ACER2: variants seen among roughly 807,000 people sequenced by gnomAD.
ACER2 encodes alkaline ceramidase 2.
ACER2 carries 26 observed loss-of-function variants against 34.7 expected under a neutral mutation model. That is an observed-to-expected ratio of 0.75 (90% confidence interval 0.55 to 1.04). The LOEUF (loss-of-function observed/expected upper bound fraction) is 1.04. Among genes scored for constraint, ACER2 ranks in the 50% least tolerant of loss-of-function variants. ACER2 has a pLI of 0.00. For missense variants in ACER2, 352 were observed against 340.8 expected, an observed-to-expected ratio of 1.03 and a Z score of -0.26; for synonymous variants, 138 against 132.1, an observed-to-expected ratio of 1.04 and a Z score of -0.31.
intron 2 of ACER2, 36 bp downstream of exon 2, chr9:19,424,012 G>A (rs78074656): frequency 0.011 from 16,748 of 1,494,084 alleles, 358 homozygotes; most frequent in African/African-American, 0.081. Context: ...GACTTAATGG[G>A]GTGGTGGGAT....
At chr9:19,411,549 T>G (rs1433569626) in intron 1 of ACER2, among the ~76,000 whole-genome samples, 2 of 151,018 alleles carry the variant, frequency 1.3e-5, no homozygotes, top group Non-Finnish European at 2.9e-5. Context: ...TTCCCCTGTG[T>G]TCTTACGTAC....
At chr9:19,444,629 A>T (rs1052213841) in intron 4 of ACER2, among the ~76,000 whole-genome samples, 1 of 152,054 alleles carries the variant, frequency 6.6e-6, no homozygotes, top group African/African-American at 2.4e-5. Context: ...CTGAGGGGAG[A>T]CCTATAGTAT....
chr9:19,446,386 A>T lies in ACER2; in HGVS notation c.609A>T (p.Ser203=). ...ACCGAGCTTTCTGCGAGCTGCTGTCATCCTTCAACTTCCCCTACCTGCACT... is the reference window on the plus strand; with the variant it reads ...ACCGAGCTTTCTGCGAGCTGCTGTCTTCCTTCAACTTCCCCTACCTGCACT... ...ISDRAFCELL[S]SFNFPYLHCM... Residue 203 remains serine, a synonymous_variant, in exon 5 of 6, where the codon TCA becomes TCT. Coordinates refer to ENST00000340967, the MANE Select transcript of ACER2 (RefSeq NM_001010887.3). The T allele has an allele frequency of 6.2e-7, 1 of 1,614,172 alleles. No individual in the cohort carries two copies. The highest frequency in any genetic ancestry group is 1.3e-5 in the African/African-American group (1 of 75,034).
intron 1 of ACER2, among the ~76,000 whole-genome samples, chr9:19,412,365 G>A (rs1208421584): frequency 6.6e-6 from 1 of 152,176 alleles, no homozygotes; most frequent in Non-Finnish European, 1.5e-5. Flanking sequence ...AAATACGCAT[G>A]TATAAGGCTG....
At chr9:19,439,189 C>T (rs111489817) in intron 4 of ACER2, among the ~76,000 whole-genome samples, 3 of 152,320 alleles carry the variant, frequency 2.0e-5, no homozygotes, top group African/African-American at 7.2e-5. Flanking sequence ...AATTGGTCTT[C>T]ATCATCACAT....
At chr9:19,442,074 C>T (rs1831173454) in intron 4 of ACER2, among the ~76,000 whole-genome samples, 2 of 152,134 alleles carry the variant, frequency 1.3e-5, no homozygotes, top group Non-Finnish European at 2.9e-5. Flanking sequence ...CTGAACTCTC[C>T]CTTAGACCAT....
intron 3 of ACER2, among the ~76,000 whole-genome samples, chr9:19,429,897 G>A (rs1184570921): frequency 6.6e-6 from 1 of 152,066 alleles, no homozygotes; most frequent in Non-Finnish European, 1.5e-5. Flanking sequence ...ATCAAGGGCT[G>A]GCTGTTCTAA....
rs1276548178 is a variant in ACER2, at chr9:19,421,213, A to G, written c.109-2649A>G. The stretch of plus-strand genomic sequence containing the variant: ...TCCATTATAATATGGGTCCACTGTC[A>G]TATGTGTGGCTCATTGTTGACTGAA... On this transcript the variant is annotated intron_variant, in intron 1 of 5. Coordinates refer to ENST00000340967, the MANE Select transcript of ACER2 (RefSeq NM_001010887.3). Among the ~76,000 whole-genome samples the G allele has an allele frequency of 2.0e-5, 3 of 152,226 alleles. No homozygotes were observed. The East Asian group carries it at 5.8e-4, about 29-fold the overall frequency.
At chr9:19,417,585 T>C (rs537320541) in intron 1 of ACER2, among the ~76,000 whole-genome samples, 8 of 152,170 alleles carry the variant, frequency 5.3e-5, no homozygotes, top group Non-Finnish European at 7.4e-5. Flanking sequence ...CATCTGATCT[T>C]TGACAAACCT....
chr9:19,435,540 G>GC (rs1830935755), intron 4 of ACER2, among the ~76,000 whole-genome samples: 1 of 152,178 alleles, frequency 6.6e-6, no homozygotes, highest in African/African-American at 2.4e-5. Context: ...AATCTATTAG[G>GC]TAAAGGTTTT....
chr9:19,415,917 G>A (rs535310073), intron 1 of ACER2, among the ~76,000 whole-genome samples: 2 of 152,230 alleles, frequency 1.3e-5, no homozygotes, highest in East Asian at 3.9e-4. Context: ...AAGGTTTGCA[G>A]TGCATATTGT....
intron 3 of ACER2, among the ~76,000 whole-genome samples, chr9:19,427,670 T>TTCTCTTCTCTTCTCTTG (rs1830611608): frequency 7.6e-6 from 1 of 131,800 alleles, no homozygotes; most frequent in African/African-American, 3.7e-5. Flanking sequence ...CTCTTCTCTT[T>TTCTCTTCTCTTCTCTTG]TCTTTCTTTT....
rs996600402 is a variant in ACER2, at chr9:19,450,719, G to T, written c.*83G>T. On this transcript the variant is annotated 3_prime_UTR_variant, in exon 6 of 6. Coordinates refer to ENST00000340967, the MANE Select transcript of ACER2 (RefSeq NM_001010887.3). ...GCTAGGAAGACAGCCAAGGGAGTTC[G>T]AATAGTTGGGGTGTGGGCTATCTTT... 3.7e-6 allele frequency: 5 copies of T among 1,335,502 alleles called. No individual in the cohort carries two copies. The highest frequency in any genetic ancestry group is 1.5e-5 in the African/African-American group (1 of 68,928). 82.7% of individuals were successfully genotyped at this position (1,335,502 alleles called of 1,614,324 possible).
intron 3 of ACER2, among the ~76,000 whole-genome samples, chr9:19,431,148 G>C (rs1205896584): frequency 2.0e-5 from 3 of 151,922 alleles, no homozygotes; most frequent in Non-Finnish European, 4.4e-5. Context: ...ATTTAAAGTG[G>C]TATTTATATT....
chr9:19,440,176 A>T (rs1370424220), intron 4 of ACER2, among the ~76,000 whole-genome samples: 1 of 152,076 alleles, frequency 6.6e-6, no homozygotes, highest in Non-Finnish European at 1.5e-5. Context: ...CATGCTTGAA[A>T]TGTTCTTTGC....
chr9:19,420,214 G>T (rs982082306), intron 1 of ACER2, among the ~76,000 whole-genome samples: 5 of 152,168 alleles, frequency 3.3e-5, no homozygotes, highest in Non-Finnish European at 7.3e-5. Context: ...ATTGTGTATT[G>T]TCCAACATGA....
At chr9:19,440,402 A>T (rs1831117920) in intron 4 of ACER2, among the ~76,000 whole-genome samples, 1 of 152,148 alleles carries the variant, frequency 6.6e-6, no homozygotes, top group Admixed American at 6.5e-5. Context: ...TGATATTAGG[A>T]GGTGGGCCCT....
At chr9:19,410,041 G>T in intron 1 of ACER2, 4 of 709,502 alleles carry the variant, frequency 5.6e-6, no homozygotes, top group Non-Finnish European at 6.9e-6. Flanking sequence ...TACAGAATGT[G>T]AGACTTTGCG....
intron 3 of ACER2, among the ~76,000 whole-genome samples, chr9:19,433,912 T>A (rs956408922): frequency 2.0e-5 from 3 of 148,194 alleles, no homozygotes; most frequent in Admixed American, 2.0e-4. Flanking sequence ...GGTAGGGGGC[T>A]GACCTCCTCC....
Sources: allele counts gnomAD v4.1 joint callset (sites outside exome capture counted in the v4.1 genomes callset), GRCh38; gene constraint gnomAD v4.1.1; transcripts MANE v1.5; gene names NCBI Gene and HGNC (gene_info 2026-07-23, HGNC 2026-07-21).